The following AKT1 variants were observed in gnomAD, a reference collection of about 807,000 sequenced individuals.
AKT1 encodes AKT serine/threonine kinase 1.
AKT1 carries 21 observed loss-of-function variants against 63.1 expected under a neutral mutation model. The ratio of observed to expected loss-of-function variants is 0.33; its 90% CI spans 0.24 to 0.48. AKT1 has a LOEUF of 0.48. Among genes scored for constraint, AKT1 ranks in the 20% least tolerant of loss-of-function variants. The probability of loss-of-function intolerance (pLI) is 0.99; values close to 1 mark genes in which losing one functional copy is unlikely to be tolerated. For missense variants in AKT1, 382 were observed against 666.0 expected, an observed-to-expected ratio of 0.57 and a Z score of 4.69; for synonymous variants, 257 against 253.1, an observed-to-expected ratio of 1.02 and a Z score of -0.15.
rs2140931356 is a variant in AKT1, at chr14:104,776,780, G to A, written c.176-10C>T. ...TTCATCAGCTGGCACTCTGCGGGCA[G>A]GCAGAGCCTCTGTCTGCGTGCATCC... On this transcript the variant is annotated splice_polypyrimidine_tract_variant and intron_variant, in intron 4 of 14. Coordinates refer to ENST00000649815, the MANE Select transcript of AKT1 (RefSeq NM_001382430.1). 6.2e-7 allele frequency: 1 copy of A among 1,610,658 alleles called. No homozygotes were observed. The highest frequency in any genetic ancestry group is 8.5e-7 in the Non-Finnish European group (1 of 1,178,478).
intron 3 of AKT1, among the ~76,000 whole-genome samples, chr14:104,782,258 T>G (rs943995645): frequency 6.6e-6 from 1 of 151,742 alleles, no homozygotes; most frequent in African/African-American, 2.4e-5. Context: ...CGGCCCCTGA[T>G]GGAGTGCCTC....
intron 3 of AKT1, among the ~76,000 whole-genome samples, chr14:104,780,713 G>GGCCCCCCCCCCCCCCCCCCCCCCC: frequency 2.0e-5 from 3 of 150,836 alleles, no homozygotes; most frequent in African/African-American, 7.3e-5. Context: ...CAGCATGGCC[G>GGCCCCCCCCCCCCCCCCCCCCCCC]CCCCCCCCGC....
intron 3 of AKT1, among the ~76,000 whole-genome samples, chr14:104,784,777 A>G (rs1400223223): frequency 1.3e-5 from 2 of 152,140 alleles, no homozygotes; most frequent in Non-Finnish European, 2.9e-5. Flanking sequence ...GCACCCACTT[A>G]GACATGGGGG....
In AKT1 at chr14:104,795,711, T is replaced by C. The variant is rs1232437544; in HGVS notation, c.-485A>G. The C allele has an allele frequency of 1.4e-5, 2 of 145,340 alleles. No individual in the cohort carries two copies. The highest frequency in any genetic ancestry group is 5.0e-5 in the African/African-American group (2 of 40,120). The allele number at this position is 145,340 out of a possible 1,614,324, so 9.0% of individuals were successfully genotyped here. ...CGTCTTCGGGCCGCGCTGCGTGCGC[T>C]GGGCCAGCCGCCTGCCGCGCTCGGT... On this transcript the variant is annotated 5_prime_UTR_variant, in exon 1 of 15. Transcript: ENST00000649815. This position sits in a 1 kb window ranked among gnomAD's most constrained non-coding sequence, Gnocchi z 5.1.
rs761663491 is a variant in AKT1 at position 104,776,839 on chromosome 14, C to A, written c.176-69G>T. On this transcript the variant is annotated intron_variant, in intron 4 of 14. Transcript: ENST00000649815. ...CTCCCAGGGCCCTCACCACAGCCCC[C>A]GCTGCACCAGCCAGCTCCCCTTGCA... 5.1e-6 allele frequency: 7 copies of A among 1,361,514 alleles called. No individual in the cohort carries two copies. In the African/African-American group the frequency reaches 5.7e-5, roughly 11 times the overall value. 84.3% of individuals were successfully genotyped at this position (1,361,514 alleles called of 1,614,324 possible). A position where few individuals can be genotyped will look rare whatever the true frequency, so the allele number is the denominator to read the frequency against.
chr14:104,770,763 T>A lies in AKT1; in HGVS notation c.1345A>T (p.Ile449Phe). Residue 449 changes from isoleucine (I) to phenylalanine (F), a missense_variant, in exon 14 of 15, where the codon ATC (isoleucine) becomes TTC (phenylalanine). Physicochemically the swap from Ile to Phe is conservative, Grantham distance 21. Coordinates refer to ENST00000649815, the MANE Select transcript of AKT1 (RefSeq NM_001382430.1). ...DEEFTAQMITITPPDQDDSME... is the reference protein window; with the variant it reads ...DEEFTAQMITFTPPDQDDSME... ...CCCTCACCTTGGTCAGGTGGTGTGATGGTGATCATCTGGGCCGTGAACTCC... is the reference window on the plus strand; with the variant it reads ...CCCTCACCTTGGTCAGGTGGTGTGAAGGTGATCATCTGGGCCGTGAACTCC... 6.2e-7 allele frequency: 1 copy of A among 1,614,106 alleles called. No individual in the cohort carries two copies.
At position 104,775,566 on chromosome 14, in the gene AKT1, G is replaced by A. The variant is rs531406548; in HGVS notation, c.435+86C>T. The A allele has an allele frequency of 4.1e-4, 630 of 1,533,830 alleles. 9 individuals are homozygous for A. The South Asian group carries it at 7.3e-3, about 18-fold the overall frequency. ...TGCCGTGGAGTGCTGAGTGTCTCCT[G>A]GGCCGAGCTGGGACCCCATGACCCA... On this transcript the variant is annotated intron_variant, in intron 6 of 14. Coordinates refer to ENST00000649815, the MANE Select transcript of AKT1 (RefSeq NM_001382430.1).
chr14:104,782,595 G>A (rs1056735891), intron 3 of AKT1, among the ~76,000 whole-genome samples: 7 of 152,168 alleles, frequency 4.6e-5, no homozygotes, highest in Admixed American at 1.3e-4. Context: ...GCCCAGCCCC[G>A]AGCATTCCTG....
At chr14:104,776,003 CTT>C in intron 5 of AKT1, 1 of 589,338 alleles carries the variant, frequency 1.7e-6, no homozygotes, top group East Asian at 3.1e-5. Context: ...GACACCCAGG[CTT>C]AGCCCCCCAG....
intron 1 of AKT1, chr14:104,794,228 A>T (rs1893773476): frequency 6.6e-6 from 1 of 152,480 alleles, no homozygotes; most frequent in African/African-American, 2.4e-5. Context: ...CGCCTCAGGC[A>T]CAGGGGGCTC....
intron 13 of AKT1, chr14:104,771,953 G>A (rs746789185): frequency 2.1e-5 from 7 of 329,644 alleles, no homozygotes; most frequent in African/African-American, 6.2e-5. Context: ...CTCTCCTTGC[G>A]GCAGAAGGGA....
intron 3 of AKT1, among the ~76,000 whole-genome samples, chr14:104,789,048 C>T (rs183016602): frequency 6.6e-6 from 1 of 152,350 alleles, no homozygotes; most frequent in Non-Finnish European, 1.5e-5. Context: ...CTTCCCTCGA[C>T]CCCCGCCCAC....
Position 104,774,919 on chromosome 14 carries a change from C to T in AKT1, c.633+19G>A. 6.2e-7 allele frequency: 1 copy of T among 1,607,154 alleles called. No homozygotes were observed. The highest frequency in any genetic ancestry group is 8.5e-7 in the Non-Finnish European group (1 of 1,177,312). ...CTACCTGGCCCCAGCCCTTCAGCCCCATCTGGGCTCCCACTCACTGTGAGG... is the reference window on the plus strand; with the variant it reads ...CTACCTGGCCCCAGCCCTTCAGCCCTATCTGGGCTCCCACTCACTGTGAGG... On this transcript the variant is annotated intron_variant, in intron 8 of 14. Transcript: ENST00000649815.
intron 3 of AKT1, among the ~76,000 whole-genome samples, chr14:104,790,584 G>A (rs560832404): frequency 2.0e-5 from 3 of 152,340 alleles, no homozygotes; most frequent in South Asian, 4.1e-4. Flanking sequence ...AGGAGCGGCC[G>A]GCCATGCGGG....
In AKT1 at chr14:104,792,579, C is replaced by G. The variant is rs769199033; in HGVS notation, c.46+19G>C. 6.2e-7 allele frequency: 1 copy of G among 1,612,098 alleles called. No individual in the cohort carries two copies. The highest frequency in any genetic ancestry group is 8.5e-7 in the Non-Finnish European group (1 of 1,179,814). On this transcript the variant is annotated intron_variant, in intron 3 of 14. Transcript: ENST00000649815. ...CCATCTCTCCCTCCCCAGGCCCAGC[C>G]CTGGCAGCGGGTACTAACCTCGTTT...
chr14:104,770,384 G>A lies in AKT1; in HGVS notation c.1400C>T (p.Pro467Leu). 6.2e-7 allele frequency: 1 copy of A among 1,612,770 alleles called. No homozygotes were observed. Among genetic ancestry groups the A allele is most frequent in the East Asian group, 2.2e-5 (1 of 44,870 alleles). ...SMECVDSERRPHFPQFSYSAS... is the reference protein window; with the variant it reads ...SMECVDSERRLHFPQFSYSAS... ...CGAGTAGGAGAACTGGGGGAAGTGG[G>A]GCCTGCGCTCGCTGTCCACACACTC... The change falls in exon 15 of 15, where the codon CCC becomes CTC. Residue 467 changes from proline (P) to leucine (L), a missense_variant. Physicochemically the swap from Pro to Leu is moderately conservative, Grantham distance 98. Transcript: ENST00000649815.
chr14:104,770,108 CGGA>C lies in AKT1; in HGVS notation c.*230_*232del, dbSNP rs1892290486. On this transcript the variant is annotated 3_prime_UTR_variant, in exon 15 of 15. Coordinates refer to ENST00000649815, the MANE Select transcript of AKT1 (RefSeq NM_001382430.1). ...TTGTTCTGAGGGCTGAGGCCACACC[CGGA>C]GAACAAACTGGATGAAATAAATTAA... The C allele has an allele frequency of 1.7e-6, 1 of 590,570 alleles. No homozygotes were observed. The highest frequency in any genetic ancestry group is 2.9e-5 in the Admixed American group (1 of 34,662). 36.6% of individuals were successfully genotyped at this position (590,570 alleles called of 1,614,324 possible). A position where few individuals can be genotyped will look rare whatever the true frequency, so the allele number is the denominator to read the frequency against.
chr14:104,790,898 T>A (rs976941590), intron 3 of AKT1, among the ~76,000 whole-genome samples: 1 of 152,186 alleles, frequency 6.6e-6, no homozygotes, highest in African/African-American at 2.4e-5. Flanking sequence ...AGGAGCTCAA[T>A]GACCTTGCTC....
At chr14:104,788,439 G>A (rs935627460) in intron 3 of AKT1, among the ~76,000 whole-genome samples, 1 of 152,152 alleles carries the variant, frequency 6.6e-6, no homozygotes, top group Non-Finnish European at 1.5e-5. Flanking sequence ...TCTCTGGAGT[G>A]GGCTCAGAGT....
Sources: allele counts gnomAD v4.1 joint callset (sites outside exome capture counted in the v4.1 genomes callset), GRCh38; gene constraint gnomAD v4.1.1; non-coding constraint Gnocchi (gnomAD v3.1); transcripts MANE v1.5; gene names NCBI Gene and HGNC (gene_info 2026-07-23, HGNC 2026-07-21).